FOXN3: variants seen among roughly 807,000 people sequenced by gnomAD.
FOXN3 encodes forkhead box protein N3.
Under a neutral mutation model 38.4 loss-of-function variants are expected in FOXN3, and 7 were observed. The observed-to-expected ratio is 0.18, with a 90% confidence interval of 0.10 to 0.34. FOXN3 has a LOEUF of 0.34. Ranked by LOEUF, FOXN3 falls within the 10% of genes least tolerant of loss-of-function variation. FOXN3 has a pLI of 1.00. For synonymous variants in FOXN3, 230 were observed against 242.2 expected (o/e 0.95, Z 0.47); for missense variants, 456 against 613.4 (o/e 0.74, Z 2.71).
intron 2 of FOXN3, among the ~76,000 whole-genome samples, chr14:89,385,499 TAAA>T (rs10681650): frequency 2.9e-4 from 32 of 108,806 alleles, no homozygotes; most frequent in Middle Eastern, 6.4e-3. Flanking sequence ...GGCAAACATT[TAAA>T]AAAAAAAAAA....
intron 4 of FOXN3, among the ~76,000 whole-genome samples, chr14:89,231,451 G>C (rs976659593): frequency 1.3e-5 from 2 of 152,136 alleles, no homozygotes; most frequent in African/African-American, 4.8e-5. Flanking sequence ...GAGCTAACAA[G>C]CCAGGTGATC....
At position 89,357,465 on chromosome 14, in the gene FOXN3, G is replaced by A. The variant is rs201530592; in HGVS notation, c.544-6657C>T. Among the ~76,000 whole-genome samples, 4 of 152,142 alleles carry A rather than the reference G, an allele frequency of 2.6e-5. No individual in the cohort carries two copies. In the East Asian group the frequency reaches 7.8e-4, roughly 30 times the overall value. On this transcript the variant is annotated intron_variant, in intron 2 of 5. Coordinates refer to ENST00000557258, the MANE Select transcript of FOXN3 (RefSeq NM_005197.4). The stretch of plus-strand genomic sequence containing the variant: ...CAACTAAAAATACAAAAAATTAGCC[G>A]GGCACGGTGGCATGCACCTGTAATC...
chr14:89,400,587 C>G (rs950664319), intron 2 of FOXN3, among the ~76,000 whole-genome samples: 1 of 152,212 alleles, frequency 6.6e-6, no homozygotes, highest in Non-Finnish European at 1.5e-5. Flanking sequence ...CACCATCTCT[C>G]TCTTGCACCA....
At chr14:89,534,536 G>A (rs904560430) in intron 1 of FOXN3, among the ~76,000 whole-genome samples, 5 of 152,098 alleles carry the variant, frequency 3.3e-5, no homozygotes, top group African/African-American at 7.2e-5. Flanking sequence ...AACGTCTGCC[G>A]GTGCATGCAA....
At chr14:89,609,327 C>T (rs1381549944) in intron 1 of FOXN3, among the ~76,000 whole-genome samples, 4 of 152,056 alleles carry the variant, frequency 2.6e-5, no homozygotes, top group African/African-American at 9.7e-5. Context: ...TCAAGCCTCC[C>T]GAGTAGCTGG....
At chr14:89,400,980 T>C (rs1384605437) in intron 2 of FOXN3, among the ~76,000 whole-genome samples, 1 of 152,076 alleles carries the variant, frequency 6.6e-6, no homozygotes, top group Non-Finnish European at 1.5e-5. Flanking sequence ...CTATGGAAGG[T>C]CTAGGAGAGC....
chr14:89,458,601 T>C (rs557575323), intron 1 of FOXN3, among the ~76,000 whole-genome samples: 1 of 152,224 alleles, frequency 6.6e-6, no homozygotes, highest in Non-Finnish European at 1.5e-5. Context: ...GTTATTATGC[T>C]TGTGAATAAT....
At chr14:89,194,515 G>T (rs1409752306) in intron 4 of FOXN3, among the ~76,000 whole-genome samples, 1 of 151,954 alleles carries the variant, frequency 6.6e-6, no homozygotes, top group African/African-American at 2.4e-5. Flanking sequence ...AAGTGTCCTG[G>T]ACTCTCTGCT....
At position 89,412,521 on chromosome 14, in the gene FOXN3, C is replaced by T. The variant is rs3742676; in HGVS notation, c.-14-31G>A. On this transcript the variant is annotated intron_variant, in intron 1 of 5. Coordinates refer to ENST00000557258, the MANE Select transcript of FOXN3 (RefSeq NM_005197.4). The surrounding 1 kb of genome is among the most constrained non-coding windows in gnomAD (Gnocchi z 4.7). ...AAAGACATCACAAAGAAATGATGAG[C>T]TGGCGAGGCCCAAAACAGAAAGGCA... 207,376 of 1,538,536 alleles carry T rather than the reference C, an allele frequency of 0.13. 15,812 individuals carry two copies. Among genetic ancestry groups the T allele is most frequent in the East Asian group, 0.33 (14,458 of 44,130 alleles).
chr14:89,366,850 C>CCA (rs1890174880), intron 2 of FOXN3, among the ~76,000 whole-genome samples: 1 of 152,184 alleles, frequency 6.6e-6, no homozygotes, highest in African/African-American at 2.4e-5. Context: ...TGGATTACAA[C>CCA]TGGCCCACCT....
At chr14:89,243,885 A>G (rs1206340656) in intron 4 of FOXN3, among the ~76,000 whole-genome samples, 1 of 152,202 alleles carries the variant, frequency 6.6e-6, no homozygotes, top group African/African-American at 2.4e-5. Flanking sequence ...ATGAAACCAC[A>G]TAAGCCCTCC....
At chr14:89,535,992 G>A (rs1241480651) in intron 1 of FOXN3, among the ~76,000 whole-genome samples, 1 of 152,188 alleles carries the variant, frequency 6.6e-6, no homozygotes, top group East Asian at 1.9e-4. Context: ...AATGATAAAA[G>A]ACTATATTAT....
At chr14:89,386,625 T>C (rs1481410823) in intron 2 of FOXN3, among the ~76,000 whole-genome samples, 1 of 152,200 alleles carries the variant, frequency 6.6e-6, no homozygotes. Context: ...ATCATCTAAT[T>C]AGAGCCAAAG....
intron 4 of FOXN3, among the ~76,000 whole-genome samples, chr14:89,239,396 A>G (rs956539012): frequency 1.3e-5 from 2 of 152,162 alleles, no homozygotes; most frequent in Non-Finnish European, 2.9e-5. Context: ...CGGTTTTTAC[A>G]TCTTTCCCAT....
chr14:89,546,632 A>G (rs934541701), intron 1 of FOXN3, among the ~76,000 whole-genome samples: 20 of 151,628 alleles, frequency 1.3e-4, no homozygotes, highest in Admixed American at 1.1e-3. Context: ...CCCGGCCCCA[A>G]TAGCTTCTTT....
At chr14:89,532,161 C>T (rs1894584348) in intron 1 of FOXN3, among the ~76,000 whole-genome samples, 1 of 152,146 alleles carries the variant, frequency 6.6e-6, no homozygotes, top group South Asian at 2.1e-4. Context: ...AGCCAAGAAG[C>T]ACTAGCTTAG....
rs1439227246 is a variant in FOXN3 at position 89,548,529 on chromosome 14, A to G, written c.-15+70499T>C. On this transcript the variant is annotated intron_variant, in intron 1 of 6. Transcript: ENST00000345097. The surrounding 1 kb of genome is among the most constrained non-coding windows in gnomAD (Gnocchi z 4.8). ...ACACTAGACTTCTATTCTTAATTCC[A>G]TTTAGCTTAGGCTATTAAGACTAAT... Among the ~76,000 whole-genome samples, 1 of 152,216 alleles carries G rather than the reference A, an allele frequency of 6.6e-6. No individual in the cohort carries two copies. The highest frequency in any genetic ancestry group is 1.9e-4 in the East Asian group (1 of 5,200).
chr14:89,579,705 C>A (rs529398452), intron 1 of FOXN3, among the ~76,000 whole-genome samples: 2 of 152,166 alleles, frequency 1.3e-5, no homozygotes, highest in Non-Finnish European at 2.9e-5. Flanking sequence ...ACAAGGCTAG[C>A]CCCTTCCATG....
chr14:89,350,995 G>A, intron 2 of FOXN3, 187 bp from the exon 3 acceptor site: 1 of 401,026 alleles, frequency 2.5e-6, no homozygotes, highest in Middle Eastern at 6.5e-4. Context: ...CTTGTATTAT[G>A]TTTGATAGGC....
Sources: allele counts gnomAD v4.1 joint callset (sites outside exome capture counted in the v4.1 genomes callset), GRCh38; gene constraint gnomAD v4.1.1; non-coding constraint Gnocchi (gnomAD v3.1); transcripts MANE v1.5; gene names NCBI Gene and HGNC (gene_info 2026-07-23, HGNC 2026-07-21).